KICS2: variants seen among roughly 807,000 people sequenced by gnomAD.
KICS2 encodes KICSTOR subunit 2.
A neutral mutation model predicts 31.4 loss-of-function variants in KICS2; 13 were observed. That is an observed-to-expected ratio of 0.41 (90% confidence interval 0.27 to 0.66). The LOEUF (loss-of-function observed/expected upper bound fraction) is 0.66. KICS2 is among the 30% of genes least tolerant of loss of function. KICS2 has a pLI of 0.28. For synonymous variants in KICS2, 209 were observed against 214.8 expected, an observed-to-expected ratio of 0.97 and a Z score of 0.24; for missense variants, 455 against 545.4, an observed-to-expected ratio of 0.83 and a Z score of 1.65.
intron 2 of KICS2, among the ~76,000 whole-genome samples, chr12:64,203,266 G>A (rs1055654899): frequency 2.6e-5 from 4 of 152,204 alleles, no homozygotes; most frequent in African/African-American, 7.2e-5. Flanking sequence ...TGGGCTGAAC[G>A]AAGTTCTGTA....
intron 2 of KICS2, 87 bp downstream of exon 2, chr12:64,215,591 T>G (rs1238971259): frequency 8.6e-7 from 1 of 1,160,552 alleles, no homozygotes; most frequent in African/African-American, 1.6e-5. Context: ...CATCACAGAT[T>G]TTCATAAGAG....
At chr12:64,216,325 A>G (rs975517339) in intron 1 of KICS2, among the ~76,000 whole-genome samples, 24 of 152,348 alleles carry the variant, frequency 1.6e-4, no homozygotes, top group African/African-American at 5.8e-4. Context: ...ACTTCAGAGC[A>G]TAATTAACCT....
rs1193502800 is a variant in KICS2 at position 64,222,208 on chromosome 12, C to T, written c.30G>A (p.Pro10=). 11 of 1,613,894 alleles carry T rather than the reference C, an allele frequency of 6.8e-6. No homozygotes were observed. Among genetic ancestry groups the T allele is most frequent in the Non-Finnish European group, 9.3e-6 (11 of 1,179,948 alleles). Residue 10 remains proline (P), a synonymous_variant, in exon 1 of 3, where the codon CCG becomes CCA. Transcript: ENST00000398055. The part of the protein sequence containing the change: MGESIPLAA[P]VPVEQAVLET... ...CCAGCACCGCCTGTTCCACCGGGAC[C>T]GGGGCGGCCAGCGGGATAGACTCCC...
rs2136685663 is a variant in KICS2, at chr12:64,192,802, T to G, written c.*1040A>C. 1 of 985,430 alleles carries G rather than the reference T, an allele frequency of 1.0e-6. No homozygotes were observed. Among genetic ancestry groups the G allele is most frequent in the African/African-American group, 1.7e-5 (1 of 57,366 alleles). 61.0% of individuals were successfully genotyped at this position (985,430 alleles called of 1,614,324 possible). ...TGCAGTGCTGCTTCTAAACATAATT[T>G]GTGGGGGGCAGGCATGAAACCCAAG... On this transcript the variant is annotated 3_prime_UTR_variant, in exon 3 of 3. Transcript: ENST00000398055.
At chr12:64,215,996 T>C (rs2037625237) in intron 1 of KICS2, 33 bp from the exon 2 acceptor site, 12 of 1,573,798 alleles carry the variant, frequency 7.6e-6, no homozygotes, top group Middle Eastern at 1.8e-4. Flanking sequence ...ACATGACAAG[T>C]AAGAAGGAGA....
chr12:64,208,816 G>A (rs2037561374), intron 2 of KICS2, among the ~76,000 whole-genome samples: 1 of 152,014 alleles, frequency 6.6e-6, no homozygotes, highest in African/African-American at 2.4e-5. Context: ...ATACCGTAGA[G>A]ATTTTTTTAA....
At chr12:64,202,566 T>C (rs2037499799) in intron 2 of KICS2, among the ~76,000 whole-genome samples, 1 of 150,850 alleles carries the variant, frequency 6.6e-6, no homozygotes, top group East Asian at 1.9e-4. Flanking sequence ...AAGGAGTGAA[T>C]AGAGGAGGCA....
At position 64,206,371 on chromosome 12, in the gene KICS2, T is replaced by C. The variant is rs571991745; in HGVS notation, c.521+9307A>G. ...AAACAAAATCTGTAACATCTTTTCATTTAAAACAACTTGTTTACTAATGCT... is the reference window on the plus strand; with the variant it reads ...AAACAAAATCTGTAACATCTTTTCACTTAAAACAACTTGTTTACTAATGCT... On this transcript the variant is annotated intron_variant, in intron 2 of 2. Coordinates refer to ENST00000398055, the MANE Select transcript of KICS2 (RefSeq NM_152440.5). 4.6e-5 allele frequency among the ~76,000 whole-genome samples: 7 copies of C among 152,338 alleles called. 1 individual carries two copies. In the South Asian group the frequency reaches 1.4e-3, roughly 32 times the overall value.
chr12:64,198,898 C>A (rs1022399216), intron 2 of KICS2, among the ~76,000 whole-genome samples: 2 of 151,466 alleles, frequency 1.3e-5, no homozygotes, highest in African/African-American at 4.9e-5. Flanking sequence ...CAAGACTAAA[C>A]CAGGAAGAAG....
At position 64,219,551 on chromosome 12, in the gene KICS2, C is replaced by G. The variant is rs543972723; in HGVS notation, c.235+2452G>C. On this transcript the variant is annotated intron_variant, in intron 1 of 2. Transcript: ENST00000398055. ...GCTAAGGCCTCAAATAAATACCATC[C>G]ATAAGAGAGGTAAAAAAAGACTCCC... Among the ~76,000 whole-genome samples the G allele has an allele frequency of 3.9e-3, 588 of 152,194 alleles. 2 individuals are homozygous for G. Among genetic ancestry groups the G allele is most frequent in the Non-Finnish European group, 6.2e-3 (419 of 68,024 alleles).
At position 64,191,579 on chromosome 12, in the gene KICS2, GT is replaced by G. The variant is rs2037379009; in HGVS notation, c.*2262del. 1 of 152,094 alleles carries G rather than the reference GT, an allele frequency of 6.6e-6. No individual in the cohort carries two copies. The highest frequency in any genetic ancestry group is 2.4e-5 in the African/African-American group (1 of 41,426). The allele number at this position is 152,094 out of a possible 1,614,324, so 9.4% of individuals were successfully genotyped here. ...CATGCATACCAAGGAATATTTTTCA[GT>G]TTCTTGGCAGAACACAATAGAGAGG... On this transcript the variant is annotated 3_prime_UTR_variant, in exon 3 of 3. Coordinates refer to ENST00000398055, the MANE Select transcript of KICS2 (RefSeq NM_152440.5).
In KICS2 at chr12:64,191,593, C is replaced by T. The variant is rs889762858; in HGVS notation, c.*2249G>A. The T allele has an allele frequency of 6.6e-6, 1 of 152,044 alleles. No homozygotes were observed. Among genetic ancestry groups the T allele is most frequent in the Non-Finnish European group, 1.5e-5 (1 of 68,002 alleles). 9.4% of individuals were successfully genotyped at this position (152,044 alleles called of 1,614,324 possible). A position where few individuals can be genotyped will look rare whatever the true frequency, so the allele number is the denominator to read the frequency against. On this transcript the variant is annotated 3_prime_UTR_variant, in exon 3 of 3. Coordinates refer to ENST00000398055, the MANE Select transcript of KICS2 (RefSeq NM_152440.5). ...AATATTTTTCAGTTTCTTGGCAGAA[C>T]ACAATAGAGAGGAAAAGTGATTTGA... is the stretch of plus-strand genomic sequence containing the variant.
At chr12:64,195,151 G>C (rs149188562) in intron 2 of KICS2, among the ~76,000 whole-genome samples, 2 of 152,274 alleles carry the variant, frequency 1.3e-5, no homozygotes, top group African/African-American at 4.8e-5. Context: ...CAAACTCTAA[G>C]TGATCTTCCC....
In KICS2 at chr12:64,194,089, A is replaced by G; in HGVS notation, c.1091T>C (p.Val364Ala). The G allele has an allele frequency of 6.2e-7, 1 of 1,614,142 alleles. No homozygotes were observed. The highest frequency in any genetic ancestry group is 8.5e-7 in the Non-Finnish European group (1 of 1,180,032). ...SDRPVMHWPN[V>A]IMIMTDRTSD... Reference sequence around the variant, plus strand: ...TGTGCGGTCCGTCATGATCATGATGACATTGGGCCAGTGCATGACTGGCCT... The same window carrying G: ...TGTGCGGTCCGTCATGATCATGATGGCATTGGGCCAGTGCATGACTGGCCT... Residue 364 changes from valine to alanine, a missense_variant, in exon 3 of 3, where the codon GTC becomes GCC. Coordinates refer to ENST00000398055, the MANE Select transcript of KICS2 (RefSeq NM_152440.5).
At chr12:64,209,976 G>A (rs1019975928) in intron 2 of KICS2, among the ~76,000 whole-genome samples, 3 of 152,090 alleles carry the variant, frequency 2.0e-5, no homozygotes, top group African/African-American at 7.2e-5. Flanking sequence ...TATTTCTCTA[G>A]AACACTGAAA....
chr12:64,189,259 T>G (rs905005235), downstream of KICS2, among the ~76,000 whole-genome samples: 2 of 152,218 alleles, frequency 1.3e-5, no homozygotes, highest in Non-Finnish European at 1.5e-5. Context: ...TAGTTGGAGG[T>G]GAATTTCTCT....
chr12:64,215,897 A>G lies in KICS2; in HGVS notation c.302T>C (p.Leu101Pro). Reference sequence around the variant, plus strand: ...ACCACGGCCAGTCACCACCTTCTTCAGCTCATTATGCAATGAAGTATAGAT... The same window carrying G: ...ACCACGGCCAGTCACCACCTTCTTCGGCTCATTATGCAATGAAGTATAGAT... ...RTIYTSLHNE[L>P]KKVVTGRGAL... Residue 101 changes from leucine (L) to proline (P), a missense_variant, in exon 2 of 3, where the codon CTG (leucine) becomes CCG (proline). By Grantham distance (98) the Leu-to-Pro change is moderately conservative (BLOSUM62 -3). Coordinates refer to ENST00000398055, the MANE Select transcript of KICS2 (RefSeq NM_152440.5). 1 of 1,613,956 alleles carries G rather than the reference A, an allele frequency of 6.2e-7. No homozygotes were observed. Among genetic ancestry groups the G allele is most frequent in the Non-Finnish European group, 8.5e-7 (1 of 1,179,966 alleles).
rs74097948 is a variant in KICS2, at chr12:64,192,765, C to T, written c.*1077G>A. On this transcript the variant is annotated 3_prime_UTR_variant, in exon 3 of 3. Transcript: ENST00000398055. ...CTGCCGAAGGAAAGAAATAAGGCAGCATGTGCTAAGATGCAGTGCTGCTTC... is the reference window on the plus strand; with the variant it reads ...CTGCCGAAGGAAAGAAATAAGGCAGTATGTGCTAAGATGCAGTGCTGCTTC... The T allele has an allele frequency of 1.0e-3, 998 of 985,470 alleles. 10 individuals are homozygous for T. The African/African-American group carries it at 0.016, about 16-fold the overall frequency. The allele number at this position is 985,470 out of a possible 1,614,324, so 61.0% of individuals were successfully genotyped here. A position where few individuals can be genotyped will look rare whatever the true frequency, so the allele number is the denominator to read the frequency against.
chr12:64,221,701 T>C (rs974333406), intron 1 of KICS2: 1 of 478,218 alleles, frequency 2.1e-6, no homozygotes, highest in African/African-American at 1.9e-5. Flanking sequence ...AGACATAGTT[T>C]GGTTAACTTC....
Sources: gnomAD v4.1 joint callset for allele counts (sites outside exome capture counted in the v4.1 genomes callset) on GRCh38, gnomAD v4.1.1 for gene constraint, MANE v1.5 for transcripts, NCBI Gene and HGNC (gene_info 2026-07-23, HGNC 2026-07-21) for gene names.